The following MAP7D3 variants were observed in gnomAD, a reference collection of about 807,000 sequenced individuals.
The protein encoded by MAP7D3 is MAP7 domain containing 3, also known as MAP7 domain-containing protein 3.
In MAP7D3, 45 loss-of-function variants were observed where a neutral mutation model predicts 62.2. That is an observed-to-expected ratio of 0.72 (90% confidence interval 0.57 to 0.93). The LOEUF (loss-of-function observed/expected upper bound fraction) is 0.93. Ranked by LOEUF, MAP7D3 falls within the 40% of genes least tolerant of loss-of-function variation. The probability of loss-of-function intolerance (pLI) is 0.00; values close to 1 mark genes in which losing one functional copy is unlikely to be tolerated. For synonymous variants in MAP7D3, 288 were observed against 248.8 expected (o/e 1.16, Z -1.48); for missense variants, 711 against 683.1 (o/e 1.04, Z -0.45).
At chrX:136,241,681 T>C (rs2074391855) in intron 4 of MAP7D3, among the ~76,000 whole-genome samples, 1 of 111,330 alleles carries the variant, frequency 9.0e-6, no homozygotes. Context: ...GTGTGGTATG[T>C]ATTTTTAAGT....
intron 10 of MAP7D3, among the ~76,000 whole-genome samples, chrX:136,229,746 A>C (rs2074239346): frequency 9.5e-6 from 1 of 105,356 alleles, no homozygotes; most frequent in Non-Finnish European, 1.9e-5. Context: ...TCTCATCCAG[A>C]CTAGAGTGTA....
intron 3 of MAP7D3, 69 bp from the exon 4 acceptor site, chrX:136,244,864 A>T: frequency 1.3e-6 from 1 of 792,772 alleles, no homozygotes; most frequent in Non-Finnish European, 1.8e-6. Context: ...CACATTACAC[A>T]CACAGAAGGA....
chrX:136,250,126 G>A (rs185940739), intron 1 of MAP7D3, among the ~76,000 whole-genome samples: 34 of 111,680 alleles, frequency 3.0e-4, no homozygotes, highest in African/African-American at 1.0e-3. Flanking sequence ...TATAGACACG[G>A]AAGGAAGATT....
intron 11 of MAP7D3, among the ~76,000 whole-genome samples, chrX:136,228,374 T>C (rs1378144953): frequency 1.8e-5 from 2 of 111,980 alleles, no homozygotes; most frequent in Non-Finnish European, 3.8e-5. Flanking sequence ...TGCATCCTCC[T>C]AGCACACCTT....
chrX:136,228,521 A>G lies in MAP7D3; in HGVS notation c.1886+102T>C, dbSNP rs2074224399. 38 of 842,701 alleles carry G rather than the reference A, an allele frequency of 4.5e-5. No individual in the cohort carries two copies. In the South Asian group the frequency reaches 9.6e-4, roughly 21 times the overall value. The allele number at this position is 842,701 out of a possible 1,213,427, so 69.4% of individuals were successfully genotyped here. A position where few individuals can be genotyped will look rare whatever the true frequency, so the allele number is the denominator to read the frequency against. On this transcript the variant is annotated intron_variant, in intron 11 of 18. Coordinates refer to ENST00000316077, the MANE Select transcript of MAP7D3 (RefSeq NM_024597.4). ...TTCTGATCCTCACTGAAGAAAGTCA[A>G]TTGTTCTTTGAGAATTTATAACTTG...
intron 7 of MAP7D3, among the ~76,000 whole-genome samples, chrX:136,232,734 T>G (rs993676017): frequency 1.8e-5 from 2 of 112,131 alleles, no homozygotes; most frequent in African/African-American, 6.5e-5. Flanking sequence ...TCAGAGTGGG[T>G]TGGATCTCCA....
chrX:136,213,374 T>A (rs2074043125), downstream of MAP7D3: 1 of 110,297 alleles, frequency 9.1e-6, no homozygotes, highest in South Asian at 3.8e-4. Context: ...ATCAAGAACC[T>A]CTCTGCTTGT....
intron 10 of MAP7D3, 138 bp downstream of exon 10, chrX:136,230,247 G>T: frequency 2.3e-6 from 1 of 441,689 alleles, no homozygotes; most frequent in Non-Finnish European, 3.9e-6. Context: ...ACCAGAGATT[G>T]GTTAGATTCT....
chrX:136,239,471 A>G (rs1177259452), intron 6 of MAP7D3, among the ~76,000 whole-genome samples: 1 of 112,273 alleles, frequency 8.9e-6, no homozygotes, highest in Non-Finnish European at 1.9e-5. Context: ...GGTACAACTT[A>G]AATATCATGA....
At chrX:136,251,172 C>A (rs1464176862) in intron 1 of MAP7D3, 117 bp downstream of exon 1, 4 of 569,091 alleles carry the variant, frequency 7.0e-6, no homozygotes, top group African/African-American at 2.4e-5. Context: ...TAGCACGAGG[C>A]GACTCCAGGG....
chrX:136,249,956 A>G (rs1178945631), intron 1 of MAP7D3, among the ~76,000 whole-genome samples: 1 of 112,499 alleles, frequency 8.9e-6, no homozygotes, highest in East Asian at 2.8e-4. Context: ...AACATCTGAT[A>G]TACAAATGCT....
At chrX:136,255,975 G>T, upstream of MAP7D3, 1 of 548,175 alleles carries the variant, frequency 1.8e-6, no homozygotes. Flanking sequence ...AACATTTAGT[G>T]AGCTTACCAA....
At position 136,222,382 on chromosome X, in the gene MAP7D3, T is replaced by C; in HGVS notation, c.2287+11A>G. ...GAACCTAAGCAGTCTAGCTCCTAAA[T>C]GGTGACTAACCTGATGGAAACATTT... On this transcript the variant is annotated intron_variant, in intron 15 of 18. Coordinates refer to ENST00000316077, the MANE Select transcript of MAP7D3 (RefSeq NM_024597.4). The C allele has an allele frequency of 8.4e-7, 1 of 1,189,762 alleles. No homozygotes were observed. Among genetic ancestry groups the C allele is most frequent in the Non-Finnish European group, 1.1e-6 (1 of 875,728 alleles).
Position 136,251,385 on chromosome X carries a change from G to A in MAP7D3, c.-27C>T, listed in dbSNP as rs1351546503. On this transcript the variant is annotated 5_prime_UTR_variant, in exon 1 of 19. Transcript: ENST00000316077. ...GGAGTCGGGACCGGAGGCGGTGGTG[G>A]CTCTCCGCATACATTGCGCAGGCGT... 1.4e-5 allele frequency: 15 copies of A among 1,091,590 alleles called. No individual in the cohort carries two copies. The East Asian group carries it at 6.0e-4, about 44-fold the overall frequency. 90.0% of individuals were successfully genotyped at this position (1,091,590 alleles called of 1,213,427 possible).
In MAP7D3 at chrX:136,240,412, A is replaced by AT; in HGVS notation, c.609dup (p.Ser204IlefsTer23). 1.7e-6 allele frequency: 2 copies of AT among 1,204,873 alleles called. No homozygotes were observed. Among genetic ancestry groups the AT allele is most frequent in the Non-Finnish European group, 2.2e-6 (2 of 889,257 alleles). ...GCAACGGAATTTTGAAGGCCTGCAG[A>AT]TGACAAAGGCATTTGTCTGATTAAA... On this transcript the variant is annotated frameshift_variant, in exon 6 of 19. Coordinates refer to ENST00000316077, the MANE Select transcript of MAP7D3 (RefSeq NM_024597.4). LOFTEE classifies it high-confidence loss of function.
chrX:136,231,578 G>A lies in MAP7D3; in HGVS notation c.1379C>T (p.Ala460Val), dbSNP rs1436733647. 8.3e-7 allele frequency: 1 copy of A among 1,206,936 alleles called. No individual in the cohort carries two copies. Among genetic ancestry groups the A allele is most frequent in the African/African-American group, 1.8e-5 (1 of 57,097 alleles). Residue 460 changes from alanine to valine, a missense_variant, in exon 8 of 19, where the codon GCA (alanine) becomes GTA (valine). Coordinates refer to ENST00000316077, the MANE Select transcript of MAP7D3 (RefSeq NM_024597.4). ...GTCTCTCGCTTTTGCCTTGGGAGAT[G>A]CTTCCATGCTTGCTTCAAGGGATGT... The part of the protein sequence containing the change: ...PKTSLEASME[A>V]SPKAKARDAP...
At position 136,236,232 on chromosome X, in the gene MAP7D3, GAAGT is replaced by G. The variant is rs1367095814; in HGVS notation, c.736+8_736+11del. The stretch of plus-strand genomic sequence containing the variant: ...AATCACTATTTAAAATTTGTATTTA[GAAGT>G]AACTAACCACGTGGCTTCCTTTCGG... On this transcript the variant is annotated splice_region_variant and intron_variant, in intron 7 of 18. Coordinates refer to ENST00000316077, the MANE Select transcript of MAP7D3 (RefSeq NM_024597.4). 8.5e-6 allele frequency: 9 copies of G among 1,056,399 alleles called. No homozygotes were observed. The highest frequency in any genetic ancestry group is 1.2e-5 in the Non-Finnish European group (9 of 768,645). The allele number at this position is 1,056,399 out of a possible 1,213,427, so 87.1% of individuals were successfully genotyped here. A position where few individuals can be genotyped will look rare whatever the true frequency, so the allele number is the denominator to read the frequency against.
chrX:136,240,531 A>C (rs767819556), intron 5 of MAP7D3, 45 bp from the exon 6 acceptor site: 2 of 871,263 alleles, frequency 2.3e-6, no homozygotes, highest in Non-Finnish European at 3.4e-6. Flanking sequence ...TTCAAGGAGG[A>C]AAGAATCATT....
At chrX:136,255,230 C>CA (rs1222672306), upstream of MAP7D3, among the ~76,000 whole-genome samples, 6 of 110,886 alleles carry the variant, frequency 5.4e-5, no homozygotes, top group African/African-American at 1.6e-4. Flanking sequence ...AACAAACAAA[C>CA]AAAAAAAAGC....
Sources: gnomAD v4.1 joint callset for allele counts (sites outside exome capture counted in the v4.1 genomes callset) on GRCh38, gnomAD v4.1.1 for gene constraint, MANE v1.5 for transcripts, NCBI Gene and HGNC (gene_info 2026-07-23, HGNC 2026-07-21) for gene names.